The following CDIN1 variants were observed in gnomAD, a reference collection of about 807,000 sequenced individuals.
CDIN1 encodes the protein CDAN1-interacting nuclease 1.
CDIN1 carries 33 observed loss-of-function variants against 45.3 expected under a neutral mutation model. That is an observed-to-expected ratio of 0.73 (90% CI 0.55 to 0.97). The LOEUF (loss-of-function observed/expected upper bound fraction) is 0.97, where lower values mean the gene tolerates loss of function less well. Ranked by LOEUF, CDIN1 falls within the 50% of genes least tolerant of loss-of-function variation. CDIN1 has a pLI of 0.00. For synonymous variants in CDIN1, 118 were observed against 124.4 expected (o/e 0.95, Z 0.34); for missense variants, 303 against 339.4 (o/e 0.89, Z 0.84).
At chr15:36,774,133 GGTGTGTGT>G (rs761451923) in intron 10 of CDIN1, among the ~76,000 whole-genome samples, 11 of 138,838 alleles carry the variant, frequency 7.9e-5, no homozygotes, top group African/African-American at 2.4e-4. Context: ...AACTGACAGG[GGTGTGTGT>G]GTGTGTGTGT....
At chr15:36,645,335 G>A in intron 3 of CDIN1, 48 bp downstream of exon 3, 1 of 1,338,930 alleles carries the variant, frequency 7.5e-7, no homozygotes. Flanking sequence ...CCTATTAATT[G>A]TAATAATAAT....
At chr15:36,618,502 A>G in intron 1 of CDIN1, 1 of 1,232,650 alleles carries the variant, frequency 8.1e-7, no homozygotes, top group South Asian at 1.2e-5. Flanking sequence ...AAAGCCTCCA[A>G]CACCAAAGTT....
intron 1 of CDIN1, chr15:36,627,275 G>T (rs1386403084): frequency 6.1e-6 from 1 of 162,838 alleles, no homozygotes; most frequent in Non-Finnish European, 1.4e-5. Flanking sequence ...TGGAGACATG[G>T]CTGTCCTGAG....
chr15:36,780,467 A>G (rs2054322268), intron 10 of CDIN1, among the ~76,000 whole-genome samples: 1 of 152,228 alleles, frequency 6.6e-6, no homozygotes, highest in Admixed American at 6.5e-5. Context: ...GAATCCTATT[A>G]GGCAGGTGGA....
At chr15:36,702,554 C>T (rs542900445) in intron 8 of CDIN1, among the ~76,000 whole-genome samples, 166 of 152,172 alleles carry the variant, frequency 1.1e-3, no homozygotes, top group Non-Finnish European at 2.1e-3. Context: ...CTCATGTCCA[C>T]GGGTCATCTG....
intron 1 of CDIN1, among the ~76,000 whole-genome samples, chr15:36,630,981 T>G (rs2039655210): frequency 6.6e-6 from 1 of 152,178 alleles, no homozygotes; most frequent in Non-Finnish European, 1.5e-5. Context: ...AGGCCCCACC[T>G]TCAACACCGG....
chr15:36,737,546 C>A (rs2044076712), intron 10 of CDIN1, among the ~76,000 whole-genome samples: 3 of 152,152 alleles, frequency 2.0e-5, no homozygotes, highest in Non-Finnish European at 4.4e-5. Context: ...TGCTAGCTCC[C>A]TTTTCTCTGT....
At chr15:36,627,403 G>C (rs2039482234) in intron 1 of CDIN1, 1 of 158,260 alleles carries the variant, frequency 6.3e-6, no homozygotes, top group African/African-American at 2.4e-5. Context: ...TTTGCTTAGA[G>C]ATCACCTCCA....
At chr15:36,591,279 C>T (rs1299671219) in intron 1 of CDIN1, among the ~76,000 whole-genome samples, 1 of 152,148 alleles carries the variant, frequency 6.6e-6, no homozygotes. Context: ...CTGATATCAT[C>T]CTTTGCTTAA....
Position 36,654,154 on chromosome 15 carries a change from A to C in CDIN1, c.269A>C (p.Asn90Thr). 1 of 1,568,166 alleles carries C rather than the reference A, an allele frequency of 6.4e-7. No homozygotes were observed. The highest frequency in any genetic ancestry group is 1.3e-5 in the African/African-American group (1 of 74,390). The change falls in exon 4 of 11, where the codon AAT becomes ACT. Residue 90 changes from asparagine to threonine, a missense_variant. Transcript: ENST00000566621. The part of the protein sequence containing the change: ...GAAPVLLDLA[N>T]EVDYAPSLMA... ...GCCCCAGTGCTCCTGGACCTGGCCA[A>C]TGAGGTAATGTTATTGTTATGATTT...
At chr15:36,754,086 G>A (rs1294390570) in intron 10 of CDIN1, among the ~76,000 whole-genome samples, 1 of 152,128 alleles carries the variant, frequency 6.6e-6, no homozygotes, top group African/African-American at 2.4e-5. Context: ...CTGCCGTTTT[G>A]TACAGACTTA....
intron 10 of CDIN1, among the ~76,000 whole-genome samples, chr15:36,759,820 A>G (rs1314159520): frequency 6.6e-6 from 1 of 152,164 alleles, no homozygotes; most frequent in Non-Finnish European, 1.5e-5. Flanking sequence ...GGAGAGAGCA[A>G]ACGGGGAAGT....
At chr15:36,795,434 A>C (rs2054769746) in intron 10 of CDIN1, among the ~76,000 whole-genome samples, 1 of 152,208 alleles carries the variant, frequency 6.6e-6, no homozygotes, top group Non-Finnish European at 1.5e-5. Flanking sequence ...AAAATGTTTT[A>C]AGTTTTTGGT....
chr15:36,732,507 A>T (rs1042702637), intron 10 of CDIN1, among the ~76,000 whole-genome samples: 1 of 152,158 alleles, frequency 6.6e-6, no homozygotes, highest in African/African-American at 2.4e-5. Flanking sequence ...GGCATTATGT[A>T]TGAAATTGTG....
rs149222188 is a variant in CDIN1, at chr15:36,774,163, T to TGTGTGTGTGTGTGCGCGC, written c.717-34160_717-34159insTGTGTGTGTGTGCGCGCG. On this transcript the variant is annotated intron_variant, in intron 10 of 10. Transcript: ENST00000566621. ...GTGTGTGTGTGTGTGTGTGTGTGTG[T>TGTGTGTGTGTGTGCGCGC]GCGCGCGCGCGCATGCATGAGGGGA... Among the ~76,000 whole-genome samples, 32 of 143,144 alleles carry TGTGTGTGTGTGTGCGCGC rather than the reference T, an allele frequency of 2.2e-4. 1 individual carries two copies. The highest frequency in any genetic ancestry group is 8.0e-4 in the African/African-American group (30 of 37,732). 93.9% of individuals were successfully genotyped at this position (143,144 alleles called of 152,430 possible). A position where few individuals can be genotyped will look rare whatever the true frequency, so the allele number is the denominator to read the frequency against.
chr15:36,579,632 G>A lies in CDIN1; in HGVS notation c.-229G>A. Reference sequence around the variant, plus strand: ...CAGTAAGCCAAGCTAGGGCACTCTGGTGTACAGCCAGTCCCCGCCGCGGAG... The same window carrying A: ...CAGTAAGCCAAGCTAGGGCACTCTGATGTACAGCCAGTCCCCGCCGCGGAG... On this transcript the variant is annotated 5_prime_UTR_variant, in exon 1 of 11. It adds an upstream start codon to the 5' untranslated region. Transcript: ENST00000566621. 2.0e-6 allele frequency: 1 copy of A among 503,634 alleles called. No homozygotes were observed. Among genetic ancestry groups the A allele is most frequent in the Non-Finnish European group, 3.6e-6 (1 of 281,316 alleles). 31.2% of individuals were successfully genotyped at this position (503,634 alleles called of 1,614,324 possible).
intron 1 of CDIN1, chr15:36,618,834 T>A: frequency 1.2e-6 from 1 of 811,088 alleles, no homozygotes; most frequent in Non-Finnish European, 2.2e-6. Context: ...CAGACAACTA[T>A]ACCAGTTTCT....
chr15:36,673,130 C>T (rs927578874), intron 5 of CDIN1, among the ~76,000 whole-genome samples: 3 of 152,138 alleles, frequency 2.0e-5, no homozygotes, highest in East Asian at 3.9e-4. Flanking sequence ...CTTTTTATTT[C>T]TAGTGGGAAG....
chr15:36,714,198 AG>A (rs1446717016), intron 10 of CDIN1, among the ~76,000 whole-genome samples: 2 of 152,196 alleles, frequency 1.3e-5, no homozygotes, highest in Non-Finnish European at 2.9e-5. Context: ...AGACTTTTGC[AG>A]TCCTATTTCA....
Sources: allele counts gnomAD v4.1 joint callset (sites outside exome capture counted in the v4.1 genomes callset), GRCh38; gene constraint gnomAD v4.1.1; transcripts MANE v1.5; gene names NCBI Gene and HGNC (gene_info 2026-07-23, HGNC 2026-07-21).